The following LRRC45 variants were observed in gnomAD, a reference collection of about 807,000 sequenced individuals.
The protein encoded by LRRC45 is leucine rich repeat containing 45.
A neutral mutation model predicts 85.4 loss-of-function variants in LRRC45; 73 were observed. That is an observed-to-expected ratio of 0.85 (90% CI 0.71 to 1.04). The LOEUF (loss-of-function observed/expected upper bound fraction) is 1.04, where lower values mean the gene tolerates loss of function less well. Among genes scored for constraint, LRRC45 ranks in the 50% least tolerant of loss-of-function variants. The pLI is 0.00. For synonymous variants in LRRC45, 429 were observed against 386.0 expected (o/e 1.11, Z -1.31); for missense variants, 937 against 883.3 (o/e 1.06, Z -0.77).
intron 12 of LRRC45, 196 bp from the exon 13 acceptor site, chr17:82,028,897 G>A (rs565013367): frequency 2.6e-5 from 19 of 723,058 alleles, no homozygotes; most frequent in Admixed American, 8.2e-5. Context: ...ACAGGCTGCC[G>A]TTGAAGAGAC....
chr17:82,026,135 G>C (rs573709348), intron 5 of LRRC45, among the ~76,000 whole-genome samples: 1 of 152,200 alleles, frequency 6.6e-6, no homozygotes, highest in East Asian at 1.9e-4. Flanking sequence ...CAGCTGCGCC[G>C]TCCCTGGCTT....
In LRRC45 at chr17:82,027,403, G is replaced by A; in HGVS notation, c.792G>A (p.Glu264=). Reference sequence around the variant, plus strand: ...GTCCCCAGTTCCTCGACTTGATGGAGACTATTGATAAGCAGCGAGAAGAGA... The same window carrying A: ...GTCCCCAGTTCCTCGACTTGATGGAAACTATTGATAAGCAGCGAGAAGAGA... ...EKSKQFLDLM[E]TIDKQREEMA... is the part of the protein sequence containing the mutation. The change falls in exon 7 of 17, where the codon GAG becomes GAA. Residue 264 remains glutamate (E), a synonymous_variant. Transcript: ENST00000306688. 3 of 1,612,696 alleles carry A rather than the reference G, an allele frequency of 1.9e-6. No homozygotes were observed. The highest frequency in any genetic ancestry group is 2.5e-6 in the Non-Finnish European group (3 of 1,179,946).
chr17:82,026,937 T>C lies in LRRC45; in HGVS notation c.700T>C (p.Phe234Leu), dbSNP rs2043373065. 6.2e-7 allele frequency: 1 copy of C among 1,608,256 alleles called. No homozygotes were observed. The highest frequency in any genetic ancestry group is 8.5e-7 in the Non-Finnish European group (1 of 1,179,012). Residue 234 changes from phenylalanine to leucine, a missense_variant, in exon 6 of 17, where the codon TTC becomes CTC. By Grantham distance (22) the Phe-to-Leu change is conservative (BLOSUM62 0). Coordinates refer to ENST00000306688, the MANE Select transcript of LRRC45 (RefSeq NM_144999.4). ...MGHSQDRLTT[F>L]QENQARTHVL... Reference sequence around the variant, plus strand: ...CCACAGCCAGGACCGGCTCACCACCTTCCAGGAGAACCAAGCCCGCACTCA... The same window carrying C: ...CCACAGCCAGGACCGGCTCACCACCCTCCAGGAGAACCAAGCCCGCACTCA...
At chr17:82,026,681 C>T (rs1050338630) in intron 5 of LRRC45, 9 of 398,508 alleles carry the variant, frequency 2.3e-5, no homozygotes, top group African/African-American at 4.2e-5. Flanking sequence ...CCGGTTCAAG[C>T]GATTTTCCTG....
Position 82,027,660 on chromosome 17 carries a change from C to G in LRRC45, c.834-14C>G. ...GGTTTGGGTTACTCTCTGCACCCTC[C>G]TCTCTGCCCACAGGGCGTCGGCAGC... On this transcript the variant is annotated splice_polypyrimidine_tract_variant and intron_variant, in intron 7 of 16. Transcript: ENST00000306688. 2 of 1,607,136 alleles carry G rather than the reference C, an allele frequency of 1.2e-6. No individual in the cohort carries two copies. The highest frequency in any genetic ancestry group is 1.7e-6 in the Non-Finnish European group (2 of 1,177,514).
chr17:82,025,210 C>T (rs779870328), intron 4 of LRRC45, 32 bp downstream of exon 4: 2 of 1,563,822 alleles, frequency 1.3e-6, no homozygotes, highest in South Asian at 1.2e-5. Context: ...CAGGCTCCCT[C>T]ATCCCTCTGA....
chr17:82,026,867 C>T, intron 5 of LRRC45, 32 bp from the exon 6 acceptor site: 1 of 1,553,986 alleles, frequency 6.4e-7, no homozygotes, highest in Non-Finnish European at 8.7e-7. Flanking sequence ...GGCATGAGCC[C>T]CTGTGCCCAG....
rs1307576119 is a variant in LRRC45 at position 82,030,661 on chromosome 17, G to C, written c.1869G>C (p.Ala623=). 2.8e-6 allele frequency: 4 copies of C among 1,441,626 alleles called. No homozygotes were observed. In the African/African-American group the frequency reaches 5.8e-5, roughly 21 times the overall value. 89.3% of individuals were successfully genotyped at this position (1,441,626 alleles called of 1,614,324 possible). Residue 623 remains alanine (A), a synonymous_variant, in exon 17 of 17, where the codon GCG becomes GCC. Coordinates refer to ENST00000306688, the MANE Select transcript of LRRC45 (RefSeq NM_144999.4). ...EALLDRESEN[A]SLREKLRLRE... is the part of the protein sequence containing the mutation. Reference sequence around the variant, plus strand: ...TGCTGGACAGGGAGAGCGAGAACGCGTCTCTCCGGGAGAAGCTGCGGCTCC... The same window carrying C: ...TGCTGGACAGGGAGAGCGAGAACGCCTCTCTCCGGGAGAAGCTGCGGCTCC...
intron 3 of LRRC45, 107 bp from the exon 4 acceptor site, chr17:82,024,893 C>T (rs1216843835): frequency 1.4e-6 from 2 of 1,437,712 alleles, no homozygotes; most frequent in Non-Finnish European, 1.8e-6. Flanking sequence ...CAGGGGTAGG[C>T]AGAGGCTCCG....
chr17:82,028,110 A>G lies in LRRC45; in HGVS notation c.1011A>G (p.Ser337=), dbSNP rs1568015374. 1 of 1,576,314 alleles carries G rather than the reference A, an allele frequency of 6.3e-7. No individual in the cohort carries two copies. The highest frequency in any genetic ancestry group is 1.3e-5 in the African/African-American group (1 of 74,264). Residue 337 remains serine (S), a synonymous_variant, in exon 9 of 17, where the codon TCA becomes TCG. Coordinates refer to ENST00000306688, the MANE Select transcript of LRRC45 (RefSeq NM_144999.4). ...ATAEQEQLSL[S]QRQAKELKLE... The stretch of plus-strand genomic sequence containing the variant: ...CGGAGCAGGAGCAGCTGAGCCTGTC[A>G]CAGAGGCAGGCCAAGGAGCTCAAGC...
At chr17:82,025,621 CA>C (rs2043362137) in intron 5 of LRRC45, 114 bp downstream of exon 5, 2 of 1,320,022 alleles carry the variant, frequency 1.5e-6, no homozygotes. Context: ...CCTGAGAGCC[CA>C]GGGGAAGCAG....
chr17:82,030,783 G>A lies in LRRC45; in HGVS notation c.1991G>A (p.Arg664Lys). The A allele has an allele frequency of 7.1e-7, 1 of 1,410,092 alleles. No individual in the cohort carries two copies. The allele number at this position is 1,410,092 out of a possible 1,614,324, so 87.3% of individuals were successfully genotyped here. ...VLAYVQASPVRTLSPPK is the reference protein window; with the variant it reads ...VLAYVQASPVKTLSPPK ...GCTTACGTGCAGGCGTCCCCCGTGA[G>A]GACCCTGAGCCCCCCAAAGTGAGAC... Residue 664 changes from arginine (R) to lysine (K), a missense_variant, in exon 17 of 17, where the codon AGG (arginine) becomes AAG (lysine). Physicochemically the swap from Arg to Lys is conservative, Grantham distance 26. Transcript: ENST00000306688.
At chr17:82,025,587 G>T in intron 5 of LRRC45, 80 bp downstream of exon 5, 1 of 1,443,038 alleles carries the variant, frequency 6.9e-7, no homozygotes. Flanking sequence ...CCGGGCTCAG[G>T]ACGGGAACTG....
chr17:82,026,564 TTGTGTGTGTGTGTGTG>T (rs550616399), intron 5 of LRRC45, among the ~76,000 whole-genome samples: 1 of 137,570 alleles, frequency 7.3e-6, no homozygotes, highest in African/African-American at 2.7e-5. Flanking sequence ...CACAGCTCCT[TTGTGTGTGTGTGTGTG>T]TGTGTGTGTG....
In LRRC45 at chr17:82,025,196, C is replaced by T; in HGVS notation, c.532+18C>T. The stretch of plus-strand genomic sequence containing the variant: ...GCAGCTGGGTGAGGCCTCCCAGGCG[C>T]CCTCAGGCTCCCTCATCCCTCTGAG... On this transcript the variant is annotated intron_variant, in intron 4 of 16. Coordinates refer to ENST00000306688, the MANE Select transcript of LRRC45 (RefSeq NM_144999.4). The T allele has an allele frequency of 6.4e-7, 1 of 1,568,428 alleles. No homozygotes were observed. The highest frequency in any genetic ancestry group is 2.3e-5 in the East Asian group (1 of 43,900).
In LRRC45 at chr17:82,030,242, G is replaced by T. The variant is rs748890560; in HGVS notation, c.1668+4G>T. The T allele has an allele frequency of 1.1e-4, 173 of 1,534,382 alleles. 1 individual carries two copies. Among genetic ancestry groups the T allele is most frequent in the Non-Finnish European group, 1.5e-4 (169 of 1,136,382 alleles). ...GCGCCTGGAAGAGCTGCAGCAGGTA[G>T]GCGGGGCTCCGGTGGGGGGCCCCGG... On this transcript the variant is annotated splice_donor_region_variant and intron_variant, in intron 15 of 16. Transcript: ENST00000306688.
At chr17:82,030,009 C>G in intron 14 of LRRC45, 56 bp from the exon 15 acceptor site, 3 of 1,475,726 alleles carry the variant, frequency 2.0e-6, no homozygotes, top group Non-Finnish European at 2.7e-6. Context: ...CAGACATTCC[C>G]TCAGCTGAGC....
At chr17:82,024,642 T>C in intron 2 of LRRC45, 51 bp from the exon 3 acceptor site, 4 of 1,542,176 alleles carry the variant, frequency 2.6e-6, no homozygotes, top group Non-Finnish European at 3.5e-6. Context: ...TGGGCGGGAA[T>C]TCAGAGCCAG....
intron 5 of LRRC45, chr17:82,026,681 C>G (rs1050338630): frequency 2.5e-6 from 1 of 398,508 alleles, no homozygotes; most frequent in East Asian, 5.7e-5. Context: ...CCGGTTCAAG[C>G]GATTTTCCTG....
Sources: allele counts gnomAD v4.1 joint callset (sites outside exome capture counted in the v4.1 genomes callset), GRCh38; gene constraint gnomAD v4.1.1; transcripts MANE v1.5; gene names NCBI Gene and HGNC (gene_info 2026-07-23, HGNC 2026-07-21).